Variants in TRAPPC9 observed in about 807,000 individuals in gnomAD.
TRAPPC9 encodes IKK2 binding protein.
In TRAPPC9, 83 loss-of-function variants were observed where a neutral mutation model predicts 124.0. That is an observed-to-expected ratio of 0.67 (90% CI 0.56 to 0.80). The LOEUF (loss-of-function observed/expected upper bound fraction) is 0.80. Among genes scored for constraint, TRAPPC9 ranks in the 30% least tolerant of loss-of-function variants. The pLI, the probability that TRAPPC9 is intolerant of heterozygous loss-of-function variation, is 0.00. For synonymous variants in TRAPPC9, 638 were observed against 617.5 expected (o/e 1.03, Z -0.49); for missense variants, 1,302 against 1,508.3 (o/e 0.86, Z 2.27).
At chr8:140,395,918 A>G (rs2069079906) in intron 7 of TRAPPC9, among the ~76,000 whole-genome samples, 1 of 151,912 alleles carries the variant, frequency 6.6e-6, no homozygotes, top group African/African-American at 2.4e-5. Flanking sequence ...GCAACACTCC[A>G]TTCCACCCGA....
intron 21 of TRAPPC9, among the ~76,000 whole-genome samples, chr8:139,746,057 C>T (rs574695163): frequency 5.9e-5 from 9 of 152,350 alleles, no homozygotes; most frequent in South Asian, 4.1e-4. Flanking sequence ...CTTCACTCCA[C>T]GGCTCTGTGA....
At chr8:140,187,927 G>C (rs1203670383) in intron 17 of TRAPPC9, among the ~76,000 whole-genome samples, 1 of 152,160 alleles carries the variant, frequency 6.6e-6, no homozygotes, top group Admixed American at 6.5e-5. Flanking sequence ...GCCTGCCTTG[G>C]CCTCCCAAAT....
At chr8:139,962,658 G>T (rs1835418595) in intron 19 of TRAPPC9, among the ~76,000 whole-genome samples, 1 of 124,712 alleles carries the variant, frequency 8.0e-6, no homozygotes, top group Non-Finnish European at 1.9e-5. Context: ...CCCACTGGAA[G>T]CATGTGGCCA....
chr8:139,940,025 C>T (rs116535103), intron 19 of TRAPPC9, among the ~76,000 whole-genome samples: 2,027 of 152,274 alleles, frequency 0.013, 46 homozygotes, highest in African/African-American at 0.046. Context: ...TTTGTTGTTT[C>T]TTTTTTCACC....
chr8:139,907,042 C>T lies in TRAPPC9; in HGVS notation c.2964+3105G>A, dbSNP rs1221185865. Reference sequence around the variant, plus strand: ...ACCTGAGGGAAGCTCCCATCAGCCCCACAACGCTGCACTGCAAGTGCCCAT... The same window carrying T: ...ACCTGAGGGAAGCTCCCATCAGCCCTACAACGCTGCACTGCAAGTGCCCAT... On this transcript the variant is annotated intron_variant, in intron 20 of 22. Coordinates refer to ENST00000438773, the MANE Select transcript of TRAPPC9 (RefSeq NM_001160372.4). This position sits in a 1 kb window ranked among gnomAD's most constrained non-coding sequence, Gnocchi z 4.7. Among the ~76,000 whole-genome samples, 1 of 152,242 alleles carries T rather than the reference C, an allele frequency of 6.6e-6. No individual in the cohort carries two copies.
At chr8:140,429,606 G>A (rs370842278) in intron 4 of TRAPPC9, among the ~76,000 whole-genome samples, 5 of 151,802 alleles carry the variant, frequency 3.3e-5, no homozygotes, top group African/African-American at 2.4e-5. Flanking sequence ...AGGAGTTTGC[G>A]ACCAGCCTGG....
intron 21 of TRAPPC9, among the ~76,000 whole-genome samples, chr8:139,805,073 G>A (rs112660583): frequency 2.1e-3 from 326 of 152,296 alleles, no homozygotes; most frequent in African/African-American, 7.6e-3. Flanking sequence ...GATAGAATCC[G>A]AGGGAGGTGT....
At chr8:140,262,810 G>A (rs2064474751) in intron 15 of TRAPPC9, 1 of 152,212 alleles carries the variant, frequency 6.6e-6, no homozygotes, top group African/African-American at 2.4e-5. Context: ...AGTGAGGTAA[G>A]TGTTATTGTA....
chr8:140,329,085 T>C (rs950925465), intron 9 of TRAPPC9, among the ~76,000 whole-genome samples: 1 of 151,922 alleles, frequency 6.6e-6, no homozygotes, highest in East Asian at 1.9e-4. Context: ...CTGAGCACCA[T>C]GAACATCAGC....
At chr8:140,013,308 A>G (rs1233728650) in intron 18 of TRAPPC9, among the ~76,000 whole-genome samples, 1 of 152,018 alleles carries the variant, frequency 6.6e-6, no homozygotes, top group Admixed American at 6.6e-5. Context: ...TCCCTTCTCC[A>G]GCACTGCACT....
intron 21 of TRAPPC9, among the ~76,000 whole-genome samples, chr8:139,792,102 C>A (rs185582029): frequency 6.6e-6 from 1 of 152,296 alleles, no homozygotes; most frequent in East Asian, 1.9e-4. Context: ...CAACATTTGC[C>A]CTGTGCTAGA....
intron 17 of TRAPPC9, among the ~76,000 whole-genome samples, chr8:140,184,656 C>A (rs560403979): frequency 1.1e-4 from 16 of 152,234 alleles, no homozygotes; most frequent in South Asian, 4.1e-4. Context: ...ACCATGTTAG[C>A]CAGGCTGGCC....
chr8:139,902,437 C>A (rs560194664), intron 20 of TRAPPC9, among the ~76,000 whole-genome samples: 1 of 152,134 alleles, frequency 6.6e-6, no homozygotes, highest in Non-Finnish European at 1.5e-5. Flanking sequence ...TTCCCTGCTA[C>A]GGGAGATTAA....
chr8:140,054,121 T>C (rs11993706), intron 17 of TRAPPC9, among the ~76,000 whole-genome samples: 69,283 of 152,022 alleles, frequency 0.46, 17,187 homozygotes, highest in Middle Eastern at 0.57. Flanking sequence ...AGCTAAATAA[T>C]GGCTACACAC....
At chr8:139,810,727 G>A (rs181809009) in intron 21 of TRAPPC9, among the ~76,000 whole-genome samples, 2 of 152,256 alleles carry the variant, frequency 1.3e-5, no homozygotes, top group East Asian at 3.9e-4. Context: ...TATGGGGAGG[G>A]GCAGCCTCCT....
At chr8:140,389,383 A>T (rs1156937055) in intron 7 of TRAPPC9, among the ~76,000 whole-genome samples, 1 of 152,212 alleles carries the variant, frequency 6.6e-6, no homozygotes, top group Non-Finnish European at 1.5e-5. Context: ...CAATAAAAGC[A>T]ATCCCTCATA....
chr8:139,880,918 C>A (rs932578670), intron 21 of TRAPPC9, among the ~76,000 whole-genome samples: 1 of 152,214 alleles, frequency 6.6e-6, no homozygotes, highest in Non-Finnish European at 1.5e-5. Flanking sequence ...CTGCTCACTG[C>A]CGGGGCTCCC....
At chr8:140,374,322 C>T (rs1354433335) in intron 7 of TRAPPC9, among the ~76,000 whole-genome samples, 1 of 152,210 alleles carries the variant, frequency 6.6e-6, no homozygotes, top group African/African-American at 2.4e-5. Flanking sequence ...GTAATCCCAG[C>T]ACTTTGGGAG....
chr8:139,822,376 G>T (rs1825309620), intron 21 of TRAPPC9, among the ~76,000 whole-genome samples: 1 of 152,196 alleles, frequency 6.6e-6, no homozygotes, highest in African/African-American at 2.4e-5. Context: ...AAATGAAAGG[G>T]TTGCCCAGGT....
Sources: gnomAD v4.1 joint callset for allele counts (sites outside exome capture counted in the v4.1 genomes callset) on GRCh38, gnomAD v4.1.1 for gene constraint, Gnocchi (gnomAD v3.1) non-coding constraint, MANE v1.5 for transcripts, NCBI Gene and HGNC (gene_info 2026-07-23, HGNC 2026-07-21) for gene names.